Variants in TFB1M observed in about 807,000 individuals in gnomAD.
TFB1M encodes the protein dimethyladenosine transferase 1, mitochondrial.
TFB1M carries 27 observed loss-of-function variants against 31.1 expected under a neutral mutation model. The ratio of observed to expected loss-of-function variants is 0.87; its 90% CI spans 0.64 to 1.20. The LOEUF is 1.20. TFB1M is among the 50% of genes most tolerant of loss of function. The probability of loss-of-function intolerance (pLI) is 0.00; values close to 1 mark genes in which losing one functional copy is unlikely to be tolerated. For synonymous variants in TFB1M, 166 were observed against 151.8 expected, an observed-to-expected ratio of 1.09 and a Z score of -0.69; for missense variants, 394 against 418.7, an observed-to-expected ratio of 0.94 and a Z score of 0.51.
the TFB1M span, chr6:155,250,690 G>A: frequency 1.4e-6 from 2 of 1,395,484 alleles, no homozygotes; most frequent in African/African-American, 1.4e-5. Context: ...TGCGTGCACT[G>A]GAGCAAAATG....
At chr6:155,264,882 G>A (rs1431165819) in intron 5 of TFB1M, among the ~76,000 whole-genome samples, 5 of 152,162 alleles carry the variant, frequency 3.3e-5, no homozygotes, top group Admixed American at 6.6e-5. Context: ...AACAAGATGA[G>A]TCAGTGTCTC....
the TFB1M span, chr6:155,244,836 T>G: frequency 6.5e-7 from 1 of 1,542,478 alleles, no homozygotes; most frequent in Non-Finnish European, 8.8e-7. Flanking sequence ...ATGGTACGTA[T>G]TTCTCTCATG....
At chr6:155,254,692 T>C, downstream of TFB1M, 4 of 1,326,668 alleles carry the variant, frequency 3.0e-6, no homozygotes, top group Non-Finnish European at 4.1e-6. Context: ...GGTACCTTTA[T>C]CTCCTTTTAA....
chr6:155,243,906 T>A, the TFB1M span: 13 of 631,176 alleles, frequency 2.1e-5, no homozygotes, highest in East Asian at 7.5e-5. Context: ...AACTTCATTA[T>A]CCTGATGGGA....
the TFB1M span, chr6:155,249,893 A>C: frequency 6.2e-7 from 1 of 1,614,182 alleles, no homozygotes; most frequent in South Asian, 1.1e-5. Context: ...CACATCAATG[A>C]GATGCAGAAG....
chr6:155,310,739 C>T lies in TFB1M; in HGVS notation c.285+449G>A, dbSNP rs572900867. On this transcript the variant is annotated intron_variant, in intron 2 of 6. Transcript: ENST00000367166. ...TGCTTAAGCTTCATAATTAGTCTCT[C>T]ATGATGACAAACGTGCATATGTCTT... The T allele has an allele frequency of 1.1e-3, 180 of 168,848 alleles. 1 individual carries two copies. The highest frequency in any genetic ancestry group is 4.2e-3 in the African/African-American group (174 of 41,636). 10.5% of individuals were successfully genotyped at this position (168,848 alleles called of 1,614,324 possible).
chr6:155,241,472 T>A, the TFB1M span, among the ~76,000 whole-genome samples: 1 of 152,112 alleles, frequency 6.6e-6, no homozygotes, highest in Non-Finnish European at 1.5e-5. Context: ...CCCCTTCAAC[T>A]CCCTTATTTG....
chr6:155,287,322 G>T (rs796333608), intron 4 of TFB1M, among the ~76,000 whole-genome samples: 1 of 151,918 alleles, frequency 6.6e-6, no homozygotes, highest in African/African-American at 2.4e-5. Context: ...ATACTTACAC[G>T]GGCGATAGGT....
intron 5 of TFB1M, among the ~76,000 whole-genome samples, chr6:155,274,347 C>T (rs915363636): frequency 6.6e-6 from 1 of 152,208 alleles, no homozygotes; most frequent in African/African-American, 2.4e-5. Context: ...AAGATGGAAT[C>T]GAAAGCCTTT....
At chr6:155,269,916 G>A (rs1784844926) in intron 5 of TFB1M, among the ~76,000 whole-genome samples, 1 of 152,224 alleles carries the variant, frequency 6.6e-6, no homozygotes, top group Non-Finnish European at 1.5e-5. Flanking sequence ...TATGTGCCAG[G>A]CACTGATCCT....
chr6:155,299,177 C>T (rs371760922), intron 2 of TFB1M, among the ~76,000 whole-genome samples: 15 of 152,260 alleles, frequency 9.9e-5, no homozygotes, highest in East Asian at 3.9e-4. Flanking sequence ...TACCCCTTAT[C>T]GACCTAATGA....
chr6:155,232,268 G>A, the TFB1M span, among the ~76,000 whole-genome samples: 1 of 148,860 alleles, frequency 6.7e-6, no homozygotes, highest in Non-Finnish European at 1.5e-5. Flanking sequence ...AATTTTTAGT[G>A]TTTTTTTTTT....
intron 5 of TFB1M, among the ~76,000 whole-genome samples, chr6:155,273,743 C>T (rs1191902296): frequency 1.3e-5 from 2 of 152,256 alleles, no homozygotes; most frequent in East Asian, 3.9e-4. Flanking sequence ...GGAGAGAGAT[C>T]TGGACGCTGC....
intron 5 of TFB1M, among the ~76,000 whole-genome samples, chr6:155,282,630 A>T (rs557050630): frequency 6.6e-6 from 1 of 152,162 alleles, no homozygotes; most frequent in Non-Finnish European, 1.5e-5. Context: ...TGCGTCTAGG[A>T]CTTTCTCTTC....
chr6:155,313,398 T>C (rs1446747905), intron 1 of TFB1M, among the ~76,000 whole-genome samples: 1 of 152,180 alleles, frequency 6.6e-6, no homozygotes, highest in Non-Finnish European at 1.5e-5. Context: ...AATGAACTTT[T>C]TGGGTGTGAT....
chr6:155,276,258 T>C, intron 5 of TFB1M: 2 of 1,614,132 alleles, frequency 1.2e-6, no homozygotes, highest in Non-Finnish European at 1.7e-6. Flanking sequence ...TCTGGCATGA[T>C]TTTCTGCACC....
intron 5 of TFB1M, among the ~76,000 whole-genome samples, chr6:155,269,754 A>G (rs1170846506): frequency 1.3e-5 from 2 of 152,276 alleles, no homozygotes; most frequent in Non-Finnish European, 2.9e-5. Context: ...GCAAGATGAC[A>G]AACTAGAGTT....
chr6:155,278,466 G>A (rs1583335119), intron 5 of TFB1M, among the ~76,000 whole-genome samples: 1 of 152,336 alleles, frequency 6.6e-6, no homozygotes, highest in East Asian at 1.9e-4. Context: ...TAGACTGGGA[G>A]GTGTGGTGTC....
downstream of TFB1M, chr6:155,255,345 T>C (rs1011790800): frequency 2.8e-4 from 43 of 152,142 alleles, no homozygotes; most frequent in Admixed American, 2.8e-3. Flanking sequence ...CACGTTGTTC[T>C]TTCTGCTTGT....
Sources: gnomAD v4.1 joint callset for allele counts (sites outside exome capture counted in the v4.1 genomes callset) on GRCh38, gnomAD v4.1.1 for gene constraint, MANE v1.5 for transcripts, NCBI Gene and HGNC (gene_info 2026-07-23, HGNC 2026-07-21) for gene names.